CACNB2: variants seen among roughly 807,000 people sequenced by gnomAD.
CACNB2 encodes voltage-dependent L-type calcium channel subunit beta-2.
Under a neutral mutation model 73.3 loss-of-function variants are expected in CACNB2, and 42 were observed. The ratio of observed to expected loss-of-function variants is 0.57; its 90% confidence interval spans 0.45 to 0.74. The LOEUF is 0.74. Ranked by LOEUF, CACNB2 falls within the 30% of genes least tolerant of loss-of-function variation. The pLI is 0.00. For missense variants in CACNB2, 940 were observed against 853.0 expected (o/e 1.10, Z -1.27); for synonymous variants, 348 against 310.3 (o/e 1.12, Z -1.28).
chr10:18,203,356 G>A (rs2034962780), intron 2 of CACNB2, among the ~76,000 whole-genome samples: 1 of 152,124 alleles, frequency 6.6e-6, no homozygotes, highest in African/African-American at 2.4e-5. Flanking sequence ...ATCTGAAAAA[G>A]GGTTTTGTAC....
In CACNB2 at chr10:18,424,824, A is replaced by G. The variant is rs1244739721; in HGVS notation, c.333+22781A>G. 6.6e-5 allele frequency among the ~76,000 whole-genome samples: 10 copies of G among 152,208 alleles called. No homozygotes were observed. The South Asian group carries it at 1.4e-3, about 22-fold the overall frequency. Reference sequence around the variant, plus strand: ...ATCACCATAATTTCTTTTTACCAATATGTGGTCTTCCAGTAGGGGATGTGG... The same window carrying G: ...ATCACCATAATTTCTTTTTACCAATGTGTGGTCTTCCAGTAGGGGATGTGG... On this transcript the variant is annotated intron_variant, in intron 3 of 13. Transcript: ENST00000324631.
intron 2 of CACNB2, among the ~76,000 whole-genome samples, chr10:18,304,459 A>G (rs1268626746): frequency 1.3e-5 from 2 of 152,258 alleles, no homozygotes; most frequent in Non-Finnish European, 2.9e-5. Flanking sequence ...TGCATTGAAA[A>G]CATTGTTTGT....
chr10:18,231,504 A>T (rs149287354), intron 2 of CACNB2, among the ~76,000 whole-genome samples: 1 of 152,142 alleles, frequency 6.6e-6, no homozygotes, highest in Admixed American at 6.5e-5. Context: ...TGTCTTGTGT[A>T]TCTCTTTATG....
At chr10:18,362,456 T>A (rs951700812) in intron 2 of CACNB2, among the ~76,000 whole-genome samples, 2 of 152,246 alleles carry the variant, frequency 1.3e-5, no homozygotes, top group African/African-American at 4.8e-5. Flanking sequence ...CCTTGTTTTT[T>A]TCCCCCAAGT....
At position 18,140,635 on chromosome 10, in the gene CACNB2, G is replaced by C; in HGVS notation, c.-102G>C. On this transcript the variant is annotated 5_prime_UTR_variant, in exon 1 of 14. Transcript: ENST00000324631. The stretch of plus-strand genomic sequence containing the variant: ...CCGAGAACGGCCGGGCCTGAGCCCT[G>C]GGCGGCCCCCAGAGCCGATCAGAGC... The C allele has an allele frequency of 9.7e-7, 1 of 1,028,036 alleles. No homozygotes were observed. The highest frequency in any genetic ancestry group is 1.5e-5 in the South Asian group (1 of 67,426). 63.7% of individuals were successfully genotyped at this position (1,028,036 alleles called of 1,614,324 possible). A position where few individuals can be genotyped will look rare whatever the true frequency, so the allele number is the denominator to read the frequency against.
At chr10:18,362,916 A>C (rs986803378) in intron 2 of CACNB2, among the ~76,000 whole-genome samples, 1 of 148,936 alleles carries the variant, frequency 6.7e-6, no homozygotes. Flanking sequence ...TTAAAAAAAA[A>C]CAGAAAAACA....
chr10:18,159,823 T>C (rs548674480), intron 2 of CACNB2, among the ~76,000 whole-genome samples: 120 of 152,350 alleles, frequency 7.9e-4, no homozygotes, highest in African/African-American at 2.8e-3. Flanking sequence ...TGTTGCCTTG[T>C]TATGCTGTAT....
chr10:18,282,377 G>T (rs140279306), intron 2 of CACNB2, among the ~76,000 whole-genome samples: 1 of 152,178 alleles, frequency 6.6e-6, no homozygotes, highest in Admixed American at 6.6e-5. Flanking sequence ...AGCCCCCTCC[G>T]TGTGTGAGCA....
chr10:18,422,159 G>T (rs1362150499), intron 3 of CACNB2, among the ~76,000 whole-genome samples: 1 of 152,194 alleles, frequency 6.6e-6, no homozygotes, highest in Non-Finnish European at 1.5e-5. Flanking sequence ...CTGTGGTTTG[G>T]TTTGGTCGCC....
At chr10:18,208,076 ATAAAAACACTT>A (rs1382331452) in intron 2 of CACNB2, among the ~76,000 whole-genome samples, 2 of 152,234 alleles carry the variant, frequency 1.3e-5, no homozygotes, top group African/African-American at 2.4e-5. Flanking sequence ...CAGAGGAACT[ATAAAAACACTT>A]TAACACAAAT....
At chr10:18,199,136 T>C (rs1413548258) in intron 2 of CACNB2, among the ~76,000 whole-genome samples, 5 of 152,144 alleles carry the variant, frequency 3.3e-5, no homozygotes, top group Non-Finnish European at 7.4e-5. Context: ...ACATTGAAAC[T>C]GTGAAGGTAC....
rs2031492352 is a variant in CACNB2, at chr10:18,150,880, T to TTTTTTTTTTTTTTTTTTTTTTGA, written c.121-3_121-2insTTTTTTTTTTTTTTTTTTTTTGA. ...CTTTTTTTTTTTTTTTTTTTTTTTT[T>TTTTTTTTTTTTTTTTTTTTTTGA]AGTCATATGGAAAAGGAGCCAGAAG... On this transcript the variant is annotated splice_region_variant and splice_polypyrimidine_tract_variant and intron_variant, in intron 1 of 13. Coordinates refer to ENST00000324631, the MANE Select transcript of CACNB2 (RefSeq NM_201596.3). 7.7e-7 allele frequency: 1 copy of TTTTTTTTTTTTTTTTTTTTTTGA among 1,299,470 alleles called. No homozygotes were observed. 80.5% of individuals were successfully genotyped at this position (1,299,470 alleles called of 1,614,324 possible).
At position 18,219,411 on chromosome 10, in the gene CACNB2, C is replaced by T. The variant is rs192363092; in HGVS notation, c.213+68436C>T. On this transcript the variant is annotated intron_variant, in intron 2 of 13. Coordinates refer to ENST00000324631, the MANE Select transcript of CACNB2 (RefSeq NM_201596.3). ...TGTGCTGCTGGCAAAGACATTTGAC[C>T]TTCTGAGAAAAGTCAGCCTCCAAAG... is the stretch of plus-strand genomic sequence containing the variant. Among the ~76,000 whole-genome samples the T allele has an allele frequency of 2.0e-5, 3 of 152,242 alleles. No homozygotes were observed. In the East Asian group the frequency reaches 5.8e-4, roughly 29 times the overall value.
chr10:18,443,981 C>G (rs1391469158), intron 3 of CACNB2, among the ~76,000 whole-genome samples: 1 of 152,206 alleles, frequency 6.6e-6, no homozygotes, highest in Non-Finnish European at 1.5e-5. Flanking sequence ...TCCCGAAGTG[C>G]TGGAATTACA....
intron 2 of CACNB2, among the ~76,000 whole-genome samples, chr10:18,354,392 A>G (rs2132158994): frequency 6.6e-6 from 1 of 151,924 alleles, no homozygotes; most frequent in African/African-American, 2.4e-5. Context: ...CCACCCTTCC[A>G]CCAACTTGTG....
At chr10:18,143,741 G>A (rs1564290630) in intron 1 of CACNB2, among the ~76,000 whole-genome samples, 2 of 152,164 alleles carry the variant, frequency 1.3e-5, no homozygotes, top group Admixed American at 6.5e-5. Flanking sequence ...TGGCTCTAGA[G>A]CATCCTCCTT....
intron 2 of CACNB2, among the ~76,000 whole-genome samples, chr10:18,235,066 C>T (rs2036382778): frequency 6.6e-6 from 1 of 151,740 alleles, no homozygotes; most frequent in Non-Finnish European, 1.5e-5. Context: ...TGGCATGAAC[C>T]CGGGAGGCGG....
At chr10:18,242,643 T>G (rs1204459492) in intron 2 of CACNB2, among the ~76,000 whole-genome samples, 1 of 151,944 alleles carries the variant, frequency 6.6e-6, no homozygotes, top group Non-Finnish European at 1.5e-5. Flanking sequence ...ATTTCAGAAG[T>G]GTCTGTATTA....
At chr10:18,400,414 T>C (rs1226563719) in intron 2 of CACNB2, among the ~76,000 whole-genome samples, 1 of 152,210 alleles carries the variant, frequency 6.6e-6, no homozygotes, top group Admixed American at 6.5e-5. Flanking sequence ...CCGATTACTA[T>C]AGAACCGAAG....
Sources: gnomAD v4.1 joint callset for allele counts (sites outside exome capture counted in the v4.1 genomes callset) on GRCh38, gnomAD v4.1.1 for gene constraint, MANE v1.5 for transcripts, NCBI Gene and HGNC (gene_info 2026-07-23, HGNC 2026-07-21) for gene names.